The following NEDD4L variants were observed in gnomAD, a reference collection of about 807,000 sequenced individuals.
The protein encoded by NEDD4L is E3 ubiquitin-protein ligase NEDD4-like.
A neutral mutation model predicts 148.9 loss-of-function variants in NEDD4L; 54 were observed. That is an observed-to-expected ratio of 0.36 (90% confidence interval 0.29 to 0.45). NEDD4L has a LOEUF of 0.45. Ranked by LOEUF, NEDD4L falls within the 20% of genes least tolerant of loss-of-function variation. The pLI is 1.00. For missense variants in NEDD4L, 856 were observed against 1,233.8 expected (o/e 0.69, Z 4.59); for synonymous variants, 433 against 440.7 (o/e 0.98, Z 0.22).
intron 9 of NEDD4L, among the ~76,000 whole-genome samples, chr18:58,328,112 G>A (rs1039234723): frequency 5.9e-5 from 9 of 152,146 alleles, no homozygotes; most frequent in Admixed American, 4.6e-4. Context: ...CTACAGGCAC[G>A]CATCACCACA....
At chr18:58,182,506 T>A (rs1476650689) in intron 2 of NEDD4L, among the ~76,000 whole-genome samples, 1 of 146,266 alleles carries the variant, frequency 6.8e-6, no homozygotes, top group African/African-American at 2.6e-5. Context: ...TGAGCATTGA[T>A]ACCTTTTTTT....
chr18:58,179,065 G>A (rs943114443), intron 2 of NEDD4L, among the ~76,000 whole-genome samples: 34 of 152,172 alleles, frequency 2.2e-4, no homozygotes, highest in Non-Finnish European at 8.8e-5. Flanking sequence ...AATCACGTGC[G>A]AGTTCATTGA....
chr18:58,075,769 T>A (rs950015041), intron 1 of NEDD4L, among the ~76,000 whole-genome samples: 15 of 149,766 alleles, frequency 1.0e-4, no homozygotes, highest in Non-Finnish European at 4.5e-5. Context: ...CCCTACAAAA[T>A]TTTTTTTTTA....
At chr18:58,392,131 A>C (rs1011936159) in intron 30 of NEDD4L, among the ~76,000 whole-genome samples, 1 of 152,228 alleles carries the variant, frequency 6.6e-6, no homozygotes, top group African/African-American at 2.4e-5. Flanking sequence ...GAAGGGTCCC[A>C]GTTGTTTTCT....
At chr18:58,267,823 G>A (rs189679463) in intron 5 of NEDD4L, among the ~76,000 whole-genome samples, 1 of 152,070 alleles carries the variant, frequency 6.6e-6, no homozygotes, top group Admixed American at 6.6e-5. Flanking sequence ...GATGAATAAT[G>A]TGTGGGCATT....
At chr18:58,153,922 C>T (rs1377403629) in intron 1 of NEDD4L, among the ~76,000 whole-genome samples, 1 of 152,208 alleles carries the variant, frequency 6.6e-6, no homozygotes, top group African/African-American at 2.4e-5. Flanking sequence ...GCTGGGATTA[C>T]AGGCGTGAGT....
At chr18:58,242,528 T>C (rs1197763927) in intron 2 of NEDD4L, among the ~76,000 whole-genome samples, 1 of 151,866 alleles carries the variant, frequency 6.6e-6, no homozygotes, top group African/African-American at 2.4e-5. Context: ...TCTGTCCGGG[T>C]CTCACTCTGT....
intron 1 of NEDD4L, among the ~76,000 whole-genome samples, chr18:58,112,102 A>G (rs1178154281): frequency 6.6e-6 from 1 of 152,080 alleles, no homozygotes; most frequent in Non-Finnish European, 1.5e-5. Flanking sequence ...AGATTTATCC[A>G]TGTTTGGCTG....
intron 1 of NEDD4L, among the ~76,000 whole-genome samples, chr18:58,164,644 T>C (rs978855983): frequency 4.6e-5 from 7 of 152,182 alleles, no homozygotes; most frequent in African/African-American, 1.7e-4. Context: ...CTAAATTTTG[T>C]ATTTTTAGTA....
intron 2 of NEDD4L, among the ~76,000 whole-genome samples, chr18:58,166,414 G>A (rs1181562143): frequency 6.6e-6 from 1 of 152,154 alleles, no homozygotes; most frequent in African/African-American, 2.4e-5. Flanking sequence ...CTTTAAATCA[G>A]CCCTTTTGTT....
chr18:58,073,162 A>G lies in NEDD4L; in HGVS notation c.48+28454A>G, dbSNP rs552278702. On this transcript the variant is annotated intron_variant, in intron 1 of 30. Coordinates refer to ENST00000400345, the MANE Select transcript of NEDD4L (RefSeq NM_001144967.3). ...AAGACTTACATTGTTAATACGGCCA[A>G]TACTCCCCAGATTGAGCTGCAGATG... is the stretch of plus-strand genomic sequence containing the variant. Among the ~76,000 whole-genome samples, 451 of 152,326 alleles carry G rather than the reference A, an allele frequency of 3.0e-3. 2 individuals carry two copies. Among genetic ancestry groups the G allele is most frequent in the Middle Eastern group, 0.014 (4 of 294 alleles).
At chr18:58,300,303 G>A (rs1484993320) in intron 5 of NEDD4L, among the ~76,000 whole-genome samples, 2 of 152,180 alleles carry the variant, frequency 1.3e-5, no homozygotes, top group African/African-American at 4.8e-5. Flanking sequence ...AAAATTAATT[G>A]TGTGATGCAA....
rs74535486 is a variant in NEDD4L at position 58,311,716 on chromosome 18, T to C, written c.298-4266T>C. Among the ~76,000 whole-genome samples, 277 of 152,234 alleles carry C rather than the reference T, an allele frequency of 1.8e-3. 1 individual carries two copies. Among genetic ancestry groups the C allele is most frequent in the African/African-American group, 6.4e-3 (264 of 41,506 alleles). The stretch of plus-strand genomic sequence containing the variant: ...AGAGTCCCTGTGGTTTTTGTTGTTG[T>C]TGTTGTTGTTGTTGTTTGAATGGAT... On this transcript the variant is annotated intron_variant, in intron 5 of 30. Transcript: ENST00000400345.
At chr18:58,302,284 C>G (rs146644518) in intron 5 of NEDD4L, among the ~76,000 whole-genome samples, 8 of 152,250 alleles carry the variant, frequency 5.3e-5, no homozygotes, top group Admixed American at 2.6e-4. Flanking sequence ...GAGAGTGTCC[C>G]CGTTTTGAGG....
At chr18:58,375,412 T>C (rs2047435866) in intron 24 of NEDD4L, among the ~76,000 whole-genome samples, 1 of 152,138 alleles carries the variant, frequency 6.6e-6, no homozygotes, top group Non-Finnish European at 1.5e-5. Context: ...AAAATGTCCT[T>C]CTTCTACTTG....
rs5825271 is a variant in NEDD4L, at chr18:58,277,248, GAA to G, written c.297+25204_297+25205del. On this transcript the variant is annotated intron_variant, in intron 5 of 30. Coordinates refer to ENST00000400345, the MANE Select transcript of NEDD4L (RefSeq NM_001144967.3). ...CAGGTGAGGGGCACAATGGAGAAGA[GAA>G]AAAAAAAAATGCTCTGCTGAAAACA... Among the ~76,000 whole-genome samples, 325 of 150,014 alleles carry G rather than the reference GAA, an allele frequency of 2.2e-3. 2 individuals carry two copies. Among genetic ancestry groups the G allele is most frequent in the African/African-American group, 6.1e-3 (251 of 40,858 alleles).
In NEDD4L at chr18:58,256,670, C is replaced by A; in HGVS notation, c.297+4616C>A. On this transcript the variant is annotated intron_variant, in intron 5 of 30. Transcript: ENST00000400345. The surrounding 1 kb of genome is among the most constrained non-coding windows in gnomAD (Gnocchi z 5.2). ...GATCAGGCAGGATCAGAACGCGGGGCAGCAGCATTTTAGAATTCTTGTAAC... is the reference window on the plus strand; with the variant it reads ...GATCAGGCAGGATCAGAACGCGGGGAAGCAGCATTTTAGAATTCTTGTAAC... 1 of 1,232,178 alleles carries A rather than the reference C, an allele frequency of 8.1e-7. No homozygotes were observed. The highest frequency in any genetic ancestry group is 1.0e-6 in the Non-Finnish European group (1 of 988,020). 76.3% of individuals were successfully genotyped at this position (1,232,178 alleles called of 1,614,324 possible).
At chr18:58,201,909 G>A (rs1214053845) in intron 2 of NEDD4L, among the ~76,000 whole-genome samples, 7 of 152,030 alleles carry the variant, frequency 4.6e-5, no homozygotes, top group Admixed American at 3.3e-4. Context: ...TGTGCTATAC[G>A]CTGACGGAAG....
chr18:58,053,347 C>T (rs1400601065), intron 1 of NEDD4L, among the ~76,000 whole-genome samples: 1 of 151,890 alleles, frequency 6.6e-6, no homozygotes, highest in South Asian at 2.1e-4. Flanking sequence ...CTCACTCTGT[C>T]GCCCAGGCTG....
Sources: gnomAD v4.1 joint callset for allele counts (sites outside exome capture counted in the v4.1 genomes callset) on GRCh38, gnomAD v4.1.1 for gene constraint, Gnocchi (gnomAD v3.1) non-coding constraint, MANE v1.5 for transcripts, NCBI Gene and HGNC (gene_info 2026-07-23, HGNC 2026-07-21) for gene names.